Variants in TRPM6 observed in about 807,000 individuals in gnomAD.
The protein encoded by TRPM6 is transient receptor potential cation channel subfamily M member 6.
A neutral mutation model predicts 247.6 loss-of-function variants in TRPM6; 111 were observed. The observed-to-expected ratio is 0.45, with a 90% CI of 0.38 to 0.52. The LOEUF is 0.52. TRPM6 is among the 20% of genes least tolerant of loss of function. TRPM6 has a pLI of 0.00. For synonymous variants in TRPM6, 892 were observed against 853.8 expected (o/e 1.04, Z -0.78); for missense variants, 2,126 against 2,421.5 (o/e 0.88, Z 2.56).
chr9:74,831,364 C>T (rs1249652328), intron 6 of TRPM6, among the ~76,000 whole-genome samples: 1 of 152,130 alleles, frequency 6.6e-6, no homozygotes, highest in East Asian at 1.9e-4. Context: ...GTAGCGGGTG[C>T]CTGTTATCCC....
At position 74,864,947 on chromosome 9, in the gene TRPM6, C is replaced by G. The variant is rs1394842615; in HGVS notation, c.34-6199G>C. On this transcript the variant is annotated intron_variant, in intron 1 of 38. Transcript: ENST00000360774. ...AATTAGCCACGCGCAGTCGTGGGCG[C>G]CTGTAATCCCAGCTACTCAGGAGGC... Among the ~76,000 whole-genome samples, 8 of 152,044 alleles carry G rather than the reference C, an allele frequency of 5.3e-5. No individual in the cohort carries two copies. The East Asian group carries it at 1.6e-3, about 29-fold the overall frequency.
intron 1 of TRPM6, 131 bp from the exon 2 acceptor site, chr9:74,858,879 G>A: frequency 1.5e-6 from 1 of 684,110 alleles, no homozygotes; most frequent in Non-Finnish European, 2.5e-6. Flanking sequence ...ACCCCACACA[G>A]GCTAAGCATT....
chr9:74,807,642 A>G (rs1828573684), intron 14 of TRPM6, among the ~76,000 whole-genome samples: 1 of 152,192 alleles, frequency 6.6e-6, no homozygotes, highest in Admixed American at 6.5e-5. Context: ...ATGGACTAGG[A>G]TGAGTTTACA....
rs571192916 is a variant in TRPM6, at chr9:74,848,860, G to GA, written c.153-6518dup. Among the ~76,000 whole-genome samples, 601 of 152,046 alleles carry GA rather than the reference G, an allele frequency of 4.0e-3. 4 individuals are homozygous for GA. The highest frequency in any genetic ancestry group is 0.014 in the African/African-American group (573 of 41,482). On this transcript the variant is annotated intron_variant, in intron 3 of 38. Transcript: ENST00000360774. ...TGATGACAAATACATACAGTGAGAA[G>GA]AAAAAAACGTAAAGAAATCTAGACA...
At chr9:74,726,726 G>A (rs1161747618) in intron 38 of TRPM6, among the ~76,000 whole-genome samples, 2 of 152,122 alleles carry the variant, frequency 1.3e-5, no homozygotes, top group Non-Finnish European at 2.9e-5. Flanking sequence ...CCTGGGAAAA[G>A]GACAGTATCG....
intron 25 of TRPM6, among the ~76,000 whole-genome samples, chr9:74,767,589 T>A (rs868420603): frequency 3.3e-5 from 5 of 152,112 alleles, no homozygotes; most frequent in Non-Finnish European, 5.9e-5. Flanking sequence ...TCCATATAAA[T>A]GACCTCAACA....
At chr9:74,850,371 CA>C (rs1383280925) in intron 3 of TRPM6, among the ~76,000 whole-genome samples, 1 of 148,278 alleles carries the variant, frequency 6.7e-6, no homozygotes, top group Non-Finnish European at 1.5e-5. Flanking sequence ...GACTCTGTCT[CA>C]AAAAAAAAGA....
Position 74,816,694 on chromosome 9 carries a change from A to G in TRPM6, c.1283T>C (p.Ile428Thr). 6.2e-7 allele frequency: 1 copy of G among 1,614,062 alleles called. No individual in the cohort carries two copies. Among genetic ancestry groups the G allele is most frequent in the Non-Finnish European group, 8.5e-7 (1 of 1,179,972 alleles). Residue 428 changes from isoleucine to threonine, a missense_variant, in exon 11 of 39, where the codon ATC (isoleucine) becomes ACC (threonine). Ile to Thr is a moderately conservative substitution (Grantham distance 89). Around this residue, in one of 3 missense-constraint regions of TRPM6, gnomAD observed 1,082 missense variants for 1,307.9 expected, o/e 0.83. Coordinates refer to ENST00000360774, the MANE Select transcript of TRPM6 (RefSeq NM_017662.5). ...CTTCCAGTGTTGTTCATAAATTAGG[A>G]TATGTTTCTTGGCAATGTCCACCCT... ...WDRVDIAKKH[I>T]LIYEQHWKPD...
intron 1 of TRPM6, among the ~76,000 whole-genome samples, chr9:74,886,706 G>A (rs940802994): frequency 6.6e-6 from 1 of 152,034 alleles, no homozygotes; most frequent in Non-Finnish European, 1.5e-5. Flanking sequence ...CTTACAACCT[G>A]CTAAATACGT....
At chr9:74,807,943 C>A in intron 14 of TRPM6, 91 bp downstream of exon 14, 2 of 1,389,692 alleles carry the variant, frequency 1.4e-6, no homozygotes, top group South Asian at 2.3e-5. Context: ...ATTTTAGGAG[C>A]TATTTTTGTC....
intron 12 of TRPM6, 71 bp downstream of exon 12, chr9:74,812,228 A>G (rs1828756238): frequency 1.2e-5 from 20 of 1,603,734 alleles, no homozygotes; most frequent in Middle Eastern, 1.7e-4. Flanking sequence ...TTGCCTCTGC[A>G]TGGTCTGCTT....
intron 12 of TRPM6, among the ~76,000 whole-genome samples, chr9:74,811,385 G>A (rs2117899778): frequency 6.6e-6 from 1 of 152,280 alleles, no homozygotes; most frequent in East Asian, 1.9e-4. Context: ...ACTAACTGCA[G>A]TAATCAAGAA....
intron 1 of TRPM6, among the ~76,000 whole-genome samples, chr9:74,881,949 T>A (rs1474714256): frequency 1.3e-5 from 2 of 152,328 alleles, no homozygotes; most frequent in South Asian, 4.1e-4. Context: ...ATACATTGGT[T>A]ACAGGACATC....
intron 37 of TRPM6, 119 bp downstream of exon 37, chr9:74,732,566 C>G (rs893784631): frequency 3.0e-5 from 22 of 723,376 alleles, no homozygotes; most frequent in Admixed American, 2.1e-4. Flanking sequence ...TATACATAAG[C>G]TACCTAAAAA....
intron 2 of TRPM6, among the ~76,000 whole-genome samples, chr9:74,857,140 A>G (rs1017550870): frequency 6.6e-6 from 1 of 152,204 alleles, no homozygotes; most frequent in Non-Finnish European, 1.5e-5. Flanking sequence ...ATGATGTCAT[A>G]AAAAATGAAG....
chr9:74,727,197 A>G (rs533966105), intron 38 of TRPM6, among the ~76,000 whole-genome samples: 25 of 152,104 alleles, frequency 1.6e-4, no homozygotes, highest in African/African-American at 5.8e-4. Context: ...CCTGGCCAAC[A>G]TGGTGAAACC....
intron 7 of TRPM6, among the ~76,000 whole-genome samples, chr9:74,822,697 C>T (rs528162122): frequency 4.1e-4 from 63 of 151,852 alleles, no homozygotes; most frequent in African/African-American, 1.2e-3. Context: ...TTGCAGACTA[C>T]GTGACCCAAG....
chr9:74,828,238 C>A (rs1829416073), intron 6 of TRPM6, among the ~76,000 whole-genome samples: 1 of 152,114 alleles, frequency 6.6e-6, no homozygotes, highest in African/African-American at 2.4e-5. Flanking sequence ...TGCCTGTAGT[C>A]CCAGCTACTT....
chr9:74,733,141 G>C (rs1197480430), intron 36 of TRPM6, among the ~76,000 whole-genome samples: 1 of 151,808 alleles, frequency 6.6e-6, no homozygotes, highest in African/African-American at 2.4e-5. Flanking sequence ...GGCAGAGGTT[G>C]CAGTGAGCCG....
Sources: gnomAD v4.1 joint callset for allele counts (sites outside exome capture counted in the v4.1 genomes callset) on GRCh38, gnomAD v4.1.1 for gene constraint, gnomAD v4.1.1 regional missense constraint, MANE v1.5 for transcripts, NCBI Gene and HGNC (gene_info 2026-07-23, HGNC 2026-07-21) for gene names.